The following PTCHD4 variants were observed in gnomAD, a reference collection of about 807,000 sequenced individuals.
PTCHD4 encodes patched domain containing 4.
Under a neutral mutation model 58.1 loss-of-function variants are expected in PTCHD4, and 33 were observed. That is an observed-to-expected ratio of 0.57 (90% confidence interval 0.43 to 0.76). The LOEUF (loss-of-function observed/expected upper bound fraction) is 0.76, where lower values mean the gene tolerates loss of function less well. Ranked by LOEUF, PTCHD4 falls within the 30% of genes least tolerant of loss-of-function variation. PTCHD4 has a pLI of 0.00. For missense variants in PTCHD4, 1,058 were observed against 1,027.1 expected, an observed-to-expected ratio of 1.03 and a Z score of -0.41; for synonymous variants, 478 against 409.6, an observed-to-expected ratio of 1.17 and a Z score of -2.02.
intron 1 of PTCHD4, among the ~76,000 whole-genome samples, chr6:48,094,446 G>A (rs536305810): frequency 1.3e-5 from 2 of 152,268 alleles, no homozygotes; most frequent in East Asian, 3.9e-4. Context: ...ATAAAATGAA[G>A]AAACATTGAG....
intron 4 of PTCHD4, among the ~76,000 whole-genome samples, chr6:47,913,443 C>T (rs1036909048): frequency 6.6e-6 from 1 of 151,958 alleles, no homozygotes; most frequent in Non-Finnish European, 1.5e-5. Flanking sequence ...ATGTGTTTCT[C>T]TTTTATGTCA....
intron 4 of PTCHD4, among the ~76,000 whole-genome samples, chr6:47,933,181 G>A (rs989453239): frequency 1.3e-5 from 2 of 152,188 alleles, no homozygotes; most frequent in African/African-American, 4.8e-5. Context: ...AGGCCAGGTT[G>A]ACATCTGAAA....
At chr6:47,950,936 T>G (rs1478613650) in intron 4 of PTCHD4, among the ~76,000 whole-genome samples, 2 of 152,068 alleles carry the variant, frequency 1.3e-5, no homozygotes, top group African/African-American at 4.8e-5. Context: ...ATGTGTCAAT[T>G]GATGGAATTT....
intron 4 of PTCHD4, among the ~76,000 whole-genome samples, chr6:47,883,349 T>C (rs982382048): frequency 1.3e-5 from 2 of 152,112 alleles, no homozygotes; most frequent in African/African-American, 4.8e-5. Flanking sequence ...TCAATACTTC[T>C]CTAAAAATAA....
intron 4 of PTCHD4, among the ~76,000 whole-genome samples, chr6:47,950,270 A>C: frequency 6.6e-6 from 1 of 152,032 alleles, no homozygotes; most frequent in Non-Finnish European, 1.5e-5. Context: ...GCATAATATA[A>C]ATTACACCTT....
At chr6:48,108,391 G>T (rs1765789363) in intron 1 of PTCHD4, among the ~76,000 whole-genome samples, 1 of 151,960 alleles carries the variant, frequency 6.6e-6, no homozygotes, top group East Asian at 1.9e-4. Flanking sequence ...TCATAGGTGG[G>T]AATTGAACAA....
intron 4 of PTCHD4, among the ~76,000 whole-genome samples, chr6:47,994,906 G>T (rs1768423784): frequency 6.6e-6 from 1 of 152,036 alleles, no homozygotes; most frequent in Non-Finnish European, 1.5e-5. Flanking sequence ...GAATTAGAAT[G>T]GACAAAGGGA....
chr6:48,033,214 T>C (rs1763513379), intron 3 of PTCHD4, among the ~76,000 whole-genome samples: 1 of 152,128 alleles, frequency 6.6e-6, no homozygotes, highest in Non-Finnish European at 1.5e-5. Flanking sequence ...GGAAATCCCA[T>C]TATCCTGAAC....
At chr6:47,893,478 T>A (rs937571489) in intron 4 of PTCHD4, among the ~76,000 whole-genome samples, 1 of 152,218 alleles carries the variant, frequency 6.6e-6, no homozygotes, top group African/African-American at 2.4e-5. Flanking sequence ...AGTCATCATT[T>A]TATCATGCAT....
intron 4 of PTCHD4, 88 bp from the exon 5 acceptor site, chr6:47,880,024 G>A (rs1468067421): frequency 9.5e-7 from 1 of 1,049,354 alleles, no homozygotes; most frequent in Non-Finnish European, 1.3e-6. Flanking sequence ...ATGCTAAATG[G>A]CACTTTATAC....
At chr6:47,915,239 A>G (rs917592475) in intron 4 of PTCHD4, among the ~76,000 whole-genome samples, 1 of 141,224 alleles carries the variant, frequency 7.1e-6, no homozygotes, top group African/African-American at 2.5e-5. Context: ...ATCTTAAAGC[A>G]CTTATTTATT....
At chr6:48,060,820 G>A (rs1734437061) in intron 3 of PTCHD4, among the ~76,000 whole-genome samples, 1 of 152,178 alleles carries the variant, frequency 6.6e-6, no homozygotes, top group Admixed American at 6.5e-5. Context: ...CCCAGGTGAG[G>A]TCTCTCCATG....
At chr6:48,014,810 G>A (rs753413372) in intron 3 of PTCHD4, among the ~76,000 whole-genome samples, 69 of 152,208 alleles carry the variant, frequency 4.5e-4, no homozygotes, top group Admixed American at 1.2e-3. Flanking sequence ...GAAGCTCAGA[G>A]AAGTTAAACC....
At chr6:47,925,509 C>T (rs1368537820) in intron 4 of PTCHD4, among the ~76,000 whole-genome samples, 1 of 152,136 alleles carries the variant, frequency 6.6e-6, no homozygotes, top group African/African-American at 2.4e-5. Context: ...AGAAGAGTGG[C>T]ACCAACTCAT....
chr6:47,989,578 G>T (rs1279019205), intron 4 of PTCHD4, among the ~76,000 whole-genome samples: 1 of 152,174 alleles, frequency 6.6e-6, no homozygotes, highest in Admixed American at 6.5e-5. Context: ...AGGGGCCAAG[G>T]TACAGCTCAG....
chr6:47,920,001 T>C lies in PTCHD4; in HGVS notation c.899-40065A>G, dbSNP rs562606813. Among the ~76,000 whole-genome samples, 9 of 152,246 alleles carry C rather than the reference T, an allele frequency of 5.9e-5. 1 individual carries two copies. The South Asian group carries it at 1.9e-3, about 32-fold the overall frequency. On this transcript the variant is annotated intron_variant, in intron 4 of 4. Coordinates refer to ENST00000339488, the MANE Select transcript of PTCHD4 (RefSeq NM_001384253.1). ...TGCTGCACTTCGAGGACTTAGGTGA[T>C]GGTGGTGTCACTGCTTGAAGGAACC...
At chr6:47,904,790 G>A (rs1764823384) in intron 4 of PTCHD4, among the ~76,000 whole-genome samples, 1 of 152,146 alleles carries the variant, frequency 6.6e-6, no homozygotes, top group Non-Finnish European at 1.5e-5. Context: ...ATGTGCTAGA[G>A]AGATATCAAA....
intron 4 of PTCHD4, among the ~76,000 whole-genome samples, chr6:47,973,397 C>T (rs1015959839): frequency 6.6e-6 from 1 of 152,190 alleles, no homozygotes; most frequent in Non-Finnish European, 1.5e-5. Flanking sequence ...AGAAGATAAG[C>T]TCCACCTTCA....
chr6:48,033,724 T>C (rs1763530701), intron 3 of PTCHD4, among the ~76,000 whole-genome samples: 1 of 152,036 alleles, frequency 6.6e-6, no homozygotes, highest in Non-Finnish European at 1.5e-5. Context: ...GTAATTAATA[T>C]TTTTTCTTCA....
Sources: gnomAD v4.1 joint callset for allele counts (sites outside exome capture counted in the v4.1 genomes callset) on GRCh38, gnomAD v4.1.1 for gene constraint, MANE v1.5 for transcripts, NCBI Gene and HGNC (gene_info 2026-07-23, HGNC 2026-07-21) for gene names.